The following ROBO2 variants were observed in gnomAD, a reference collection of about 807,000 sequenced individuals.
ROBO2 encodes roundabout guidance receptor 2.
ROBO2 carries 53 observed loss-of-function variants against 160.8 expected under a neutral mutation model. The observed-to-expected ratio is 0.33, with a 90% CI of 0.26 to 0.41. The LOEUF (loss-of-function observed/expected upper bound fraction) is 0.41, where lower values mean the gene tolerates loss of function less well. Among genes scored for constraint, ROBO2 ranks in the 10% least tolerant of loss-of-function variants. The pLI, the probability that ROBO2 is intolerant of heterozygous loss-of-function variation, is 1.00. For missense variants in ROBO2, 1,577 were observed against 1,722.4 expected (o/e 0.92, Z 1.49); for synonymous variants, 664 against 611.7 (o/e 1.09, Z -1.26).
At chr3:76,793,691 T>G (rs1231579243) in intron 2 of ROBO2, among the ~76,000 whole-genome samples, 1 of 151,934 alleles carries the variant, frequency 6.6e-6, no homozygotes, top group African/African-American at 2.4e-5. Flanking sequence ...GGTGGTGTAC[T>G]GCACCCATTA....
At chr3:77,299,158 T>C (rs2062426257) in intron 2 of ROBO2, among the ~76,000 whole-genome samples, 2 of 152,192 alleles carry the variant, frequency 1.3e-5, no homozygotes, top group South Asian at 4.1e-4. Flanking sequence ...ATGTGAAACA[T>C]TTTTTAAAAT....
intron 2 of ROBO2, among the ~76,000 whole-genome samples, chr3:76,248,720 C>A (rs1423977770): frequency 6.6e-6 from 1 of 151,582 alleles, no homozygotes; most frequent in East Asian, 1.9e-4. Flanking sequence ...TCCAACTATT[C>A]CACTCCTATT....
chr3:76,962,740 G>C (rs575797649), intron 2 of ROBO2, among the ~76,000 whole-genome samples: 7 of 151,694 alleles, frequency 4.6e-5, no homozygotes, highest in Admixed American at 3.3e-4. Flanking sequence ...CCAAGAGTTC[G>C]AGGCTGCAGT....
chr3:77,201,141 G>T (rs1314281968), intron 2 of ROBO2, among the ~76,000 whole-genome samples: 1 of 152,090 alleles, frequency 6.6e-6, no homozygotes, highest in Non-Finnish European at 1.5e-5. Flanking sequence ...ACCTCCTTAT[G>T]CTCAGTGTGG....
At chr3:77,084,245 C>T (rs1449784710) in intron 1 of ROBO2, among the ~76,000 whole-genome samples, 1 of 151,962 alleles carries the variant, frequency 6.6e-6, no homozygotes, top group East Asian at 1.9e-4. Flanking sequence ...TTATTATTGC[C>T]TCATTTGAAA....
intron 6 of ROBO2, among the ~76,000 whole-genome samples, chr3:77,536,246 A>G (rs1014045569): frequency 6.6e-6 from 1 of 152,108 alleles, no homozygotes; most frequent in Non-Finnish European, 1.5e-5. Context: ...AGGTGGGGGG[A>G]ATGTGCCTTA....
intron 2 of ROBO2, among the ~76,000 whole-genome samples, chr3:77,287,024 A>G (rs1165147644): frequency 1.3e-5 from 2 of 152,236 alleles, no homozygotes; most frequent in Non-Finnish European, 2.9e-5. Flanking sequence ...CTCTTAGAAA[A>G]GAAGGCTCTC....
chr3:76,485,321 C>T (rs1560025506), intron 2 of ROBO2, among the ~76,000 whole-genome samples: 1 of 151,922 alleles, frequency 6.6e-6, no homozygotes, highest in South Asian at 2.1e-4. Context: ...CCCTGGAATG[C>T]GCAGTCCACA....
At chr3:76,694,423 G>A (rs1210383968) in intron 2 of ROBO2, among the ~76,000 whole-genome samples, 2 of 152,012 alleles carry the variant, frequency 1.3e-5, no homozygotes, top group African/African-American at 4.8e-5. Flanking sequence ...GTTATATTAA[G>A]AGCCCAAATA....
chr3:77,469,640 C>T (rs35386556), intron 2 of ROBO2, among the ~76,000 whole-genome samples: 5,169 of 152,180 alleles, frequency 0.034, 146 homozygotes, highest in Non-Finnish European at 0.054. Context: ...TTCCTTGAGT[C>T]GTTGATTTCT....
At chr3:77,039,700 G>A (rs1032429171), upstream of ROBO2, among the ~76,000 whole-genome samples, 76 of 151,974 alleles carry the variant, frequency 5.0e-4, no homozygotes, top group Middle Eastern at 3.4e-3. Context: ...GCGGGTGGCC[G>A]AGTCCGGAGG....
chr3:76,693,056 AT>A (rs2092840805), intron 2 of ROBO2, among the ~76,000 whole-genome samples: 1 of 149,764 alleles, frequency 6.7e-6, no homozygotes, highest in Admixed American at 6.7e-5. Flanking sequence ...CCCTATATAT[AT>A]AGTGTGTATC....
chr3:76,398,023 C>T (rs975335342), intron 2 of ROBO2, among the ~76,000 whole-genome samples: 1 of 152,110 alleles, frequency 6.6e-6, no homozygotes, highest in Non-Finnish European at 1.5e-5. Flanking sequence ...GACACATGTA[C>T]ACGTATGTTT....
intron 2 of ROBO2, among the ~76,000 whole-genome samples, chr3:77,267,775 G>T (rs1445041801): frequency 1.3e-5 from 2 of 152,112 alleles, no homozygotes; most frequent in Non-Finnish European, 1.5e-5. Context: ...GCCATATGTT[G>T]TAAAGCCCTA....
intron 2 of ROBO2, among the ~76,000 whole-genome samples, chr3:76,352,847 T>TA (rs1413871759): frequency 6.6e-6 from 1 of 152,004 alleles, no homozygotes; most frequent in Non-Finnish European, 1.5e-5. Flanking sequence ...CACAGATGGC[T>TA]ATAACAAAAT....
At chr3:76,860,424 G>A (rs1420896277) in intron 2 of ROBO2, among the ~76,000 whole-genome samples, 2 of 152,332 alleles carry the variant, frequency 1.3e-5, no homozygotes, top group African/African-American at 2.4e-5. Context: ...AGAAGCAGAA[G>A]CCAGGCTTCA....
intron 1 of ROBO2, among the ~76,000 whole-genome samples, chr3:75,924,299 A>C (rs1462271669): frequency 6.6e-6 from 1 of 152,086 alleles, no homozygotes; most frequent in Non-Finnish European, 1.5e-5. Context: ...AAGAACCTTC[A>C]AACAGGAAGG....
chr3:77,289,943 C>G (rs1229486634), intron 2 of ROBO2, among the ~76,000 whole-genome samples: 1 of 151,834 alleles, frequency 6.6e-6, no homozygotes, highest in Admixed American at 6.6e-5. Flanking sequence ...AACGGGTAAG[C>G]TGAGGCTAGA....
rs115253849 is a variant in ROBO2 at position 77,368,088 on chromosome 3, A to G, written c.389-109326A>G. 7.4e-3 allele frequency among the ~76,000 whole-genome samples: 1,132 copies of G among 152,242 alleles called. 18 individuals are homozygous for G. Among genetic ancestry groups the G allele is most frequent in the African/African-American group, 0.026 (1,078 of 41,566 alleles). Reference sequence around the variant, plus strand: ...AAACATTTTCTTAGAGCATTTATGAATCATGAAACAGTGTTTGTCTATTAA... The same window carrying G: ...AAACATTTTCTTAGAGCATTTATGAGTCATGAAACAGTGTTTGTCTATTAA... On this transcript the variant is annotated intron_variant, in intron 2 of 25. Coordinates refer to ENST00000461745, the Ensembl canonical transcript of ROBO2.
Sources: allele counts gnomAD v4.1 joint callset (sites outside exome capture counted in the v4.1 genomes callset), GRCh38; gene constraint gnomAD v4.1.1; transcripts MANE v1.5; gene names NCBI Gene and HGNC (gene_info 2026-07-23, HGNC 2026-07-21).